Variants in CCDC141 observed in about 807,000 individuals in gnomAD.
CCDC141 encodes coiled-coil domain containing 141, also known as coiled-coil domain-containing protein 141.
In CCDC141, 168 loss-of-function variants were observed where a neutral mutation model predicts 181.0. The observed-to-expected ratio is 0.93, with a 90% CI of 0.82 to 1.05. The LOEUF (loss-of-function observed/expected upper bound fraction) is 1.05, where lower values mean the gene tolerates loss of function less well. Ranked by LOEUF, CCDC141 falls within the 50% of genes least tolerant of loss-of-function variation. The pLI is 0.00. For synonymous variants in CCDC141, 666 were observed against 642.3 expected, an observed-to-expected ratio of 1.04 and a Z score of -0.56; for missense variants, 1,902 against 1,788.5, an observed-to-expected ratio of 1.06 and a Z score of -1.14.
chr2:178,989,047 T>G (rs139529899), intron 2 of CCDC141, among the ~76,000 whole-genome samples: 106 of 152,288 alleles, frequency 7.0e-4, no homozygotes, highest in African/African-American at 2.4e-3. Flanking sequence ...ACTATAAAAT[T>G]TTTAGAAGAA....
At chr2:178,848,377 G>A (rs574201942) in intron 21 of CCDC141, among the ~76,000 whole-genome samples, 105 of 152,310 alleles carry the variant, frequency 6.9e-4, no homozygotes, top group African/African-American at 2.3e-3. Flanking sequence ...AGAGTGTTGT[G>A]AATGTGAAGA....
chr2:179,042,622 A>T (rs1002896522), intron 2 of CCDC141, among the ~76,000 whole-genome samples: 1 of 152,250 alleles, frequency 6.6e-6, no homozygotes, highest in Non-Finnish European at 1.5e-5. Flanking sequence ...TGCTGGGATT[A>T]CAGGCATAAG....
At chr2:178,816,043 CATT>C in the CCDC141 span, among the ~76,000 whole-genome samples, 1 of 152,174 alleles carries the variant, frequency 6.6e-6, no homozygotes, top group Admixed American at 6.6e-5. Flanking sequence ...AATATTGATG[CATT>C]ATTACTAAAG....
chr2:178,892,832 G>T (rs946848139), intron 8 of CCDC141, among the ~76,000 whole-genome samples: 1 of 152,102 alleles, frequency 6.6e-6, no homozygotes, highest in African/African-American at 2.4e-5. Flanking sequence ...ACTGACGGTG[G>T]GTAACAGACA....
At chr2:178,947,076 T>G (rs939745127) in intron 5 of CCDC141, among the ~76,000 whole-genome samples, 1 of 152,184 alleles carries the variant, frequency 6.6e-6, no homozygotes, top group Non-Finnish European at 1.5e-5. Context: ...TGCTGTGGGA[T>G]GCACACAAAA....
intron 2 of CCDC141, among the ~76,000 whole-genome samples, chr2:179,036,406 C>G (rs771781158): frequency 7.2e-5 from 11 of 152,200 alleles, no homozygotes; most frequent in Admixed American, 1.3e-4. Flanking sequence ...ATCAACATGT[C>G]TCACATCCAC....
chr2:178,919,300 A>G (rs1688587449), intron 6 of CCDC141, among the ~76,000 whole-genome samples: 1 of 152,258 alleles, frequency 6.6e-6, no homozygotes, highest in African/African-American at 2.4e-5. Context: ...GATAAGATTC[A>G]GAGAATATTT....
At chr2:178,823,521 T>C in the CCDC141 span, among the ~76,000 whole-genome samples, 1 of 152,106 alleles carries the variant, frequency 6.6e-6, no homozygotes. Flanking sequence ...GCTAGAAAAA[T>C]TCATCTTTAA....
At chr2:178,867,878 G>T in intron 16 of CCDC141, 148 bp downstream of exon 16, 2 of 612,260 alleles carry the variant, frequency 3.3e-6, no homozygotes, top group Non-Finnish European at 2.6e-6. Flanking sequence ...TTTGTCAGAG[G>T]GTAGAAATGA....
intron 2 of CCDC141, among the ~76,000 whole-genome samples, chr2:178,995,867 T>C (rs180758418): frequency 1.3e-5 from 2 of 152,284 alleles, no homozygotes; most frequent in East Asian, 1.9e-4. Flanking sequence ...TTTTAGACCA[T>C]AGTAAGGGCT....
chr2:178,899,607 A>G (rs1687586656), intron 8 of CCDC141, among the ~76,000 whole-genome samples: 1 of 152,146 alleles, frequency 6.6e-6, no homozygotes, highest in Admixed American at 6.6e-5. Context: ...CTTTAACGTG[A>G]AGTCTTGGGT....
In CCDC141 at chr2:178,853,513, A is replaced by G; in HGVS notation, c.3172T>C (p.Phe1058Leu). Reference protein sequence around the residue: ...VKILHQQFNKFIAPSVPQQEE... With the variant: ...VKILHQQFNKLIAPSVPQQEE... ...TGCTGCGGCACTGAGGGTGCAATAA[A>G]CTTATTAAACTGCTGGTGGAGAATT... is the stretch of plus-strand genomic sequence containing the variant. The change falls in exon 20 of 24, where the codon TTT becomes CTT. Residue 1058 changes from phenylalanine (F) to leucine (L), a missense_variant. Transcript: ENST00000443758. The G allele has an allele frequency of 6.2e-7, 1 of 1,614,090 alleles. No homozygotes were observed. The highest frequency in any genetic ancestry group is 8.5e-7 in the Non-Finnish European group (1 of 1,179,990).
intron 12 of CCDC141, among the ~76,000 whole-genome samples, chr2:178,872,864 CAGA>C (rs1171969609): frequency 6.6e-6 from 1 of 152,064 alleles, no homozygotes; most frequent in Admixed American, 6.6e-5. Context: ...TCTCTGTATT[CAGA>C]ACTACATCAT....
Position 178,969,127 on chromosome 2 carries a change from A to AAAAG in CCDC141, c.526+5926_526+5929dup, listed in dbSNP as rs1351040651. 2.6e-3 allele frequency among the ~76,000 whole-genome samples: 381 copies of AAAAG among 148,724 alleles called. 7 individuals carry two copies. The highest frequency in any genetic ancestry group is 9.0e-3 in the African/African-American group (362 of 40,144). ...ACCAAAAAAAAAAAAAAAAAAAAAA[A>AAAAG]AAAGCCCAGGACCAGACGGATTCAC... On this transcript the variant is annotated intron_variant, in intron 4 of 23. Transcript: ENST00000443758.
At chr2:178,953,572 A>G (rs536473047) in intron 5 of CCDC141, among the ~76,000 whole-genome samples, 2 of 152,316 alleles carry the variant, frequency 1.3e-5, no homozygotes, top group South Asian at 4.1e-4. Context: ...CTGATCGTGC[A>G]TCATTACAAT....
At position 178,914,445 on chromosome 2, in the gene CCDC141, C is replaced by T. The variant is rs1688352929; in HGVS notation, c.1092+4268G>A. 2.6e-5 allele frequency among the ~76,000 whole-genome samples: 4 copies of T among 152,162 alleles called. No homozygotes were observed. The South Asian group carries it at 8.3e-4, about 32-fold the overall frequency. ...CAAGTTCCTAATGCTGTCTCAACATCGCCACCTGCTGCTCACTCCAGGTCC... is the reference window on the plus strand; with the variant it reads ...CAAGTTCCTAATGCTGTCTCAACATTGCCACCTGCTGCTCACTCCAGGTCC... On this transcript the variant is annotated intron_variant, in intron 7 of 23. Coordinates refer to ENST00000443758, the MANE Select transcript of CCDC141 (RefSeq NM_173648.4).
intron 19 of CCDC141, among the ~76,000 whole-genome samples, chr2:178,854,307 G>A (rs1473083286): frequency 1.3e-5 from 2 of 152,052 alleles, no homozygotes; most frequent in African/African-American, 2.4e-5. Flanking sequence ...GGCGGATCAC[G>A]AGGTCAGGAG....
chr2:178,837,270 C>G lies in CCDC141; in HGVS notation c.3949G>C (p.Ala1317Pro). 1 of 1,614,116 alleles carries G rather than the reference C, an allele frequency of 6.2e-7. No individual in the cohort carries two copies. Among genetic ancestry groups the G allele is most frequent in the Non-Finnish European group, 8.5e-7 (1 of 1,179,984 alleles). ...CTCATCATGCTCTCTGGATGTTCAG[C>G]ACTGATTCTGTGTAAGGCAGTACTC... The part of the protein sequence containing the change: ...EKSTALHRIS[A>P]EHPESMMSEV... The change falls in exon 23 of 24, where the codon GCT becomes CCT. Residue 1317 changes from alanine (A) to proline (P), a missense_variant. By Grantham distance (27) the Ala-to-Pro change is conservative. Transcript: ENST00000443758.
At chr2:179,019,409 A>C (rs1207830363) in intron 2 of CCDC141, among the ~76,000 whole-genome samples, 1 of 152,144 alleles carries the variant, frequency 6.6e-6, no homozygotes, top group Non-Finnish European at 1.5e-5. Flanking sequence ...AGACATATCA[A>C]CACCAGGGTC....
Sources: gnomAD v4.1 joint callset for allele counts (sites outside exome capture counted in the v4.1 genomes callset) on GRCh38, gnomAD v4.1.1 for gene constraint, MANE v1.5 for transcripts, NCBI Gene and HGNC (gene_info 2026-07-23, HGNC 2026-07-21) for gene names.